Variants in MBD5 observed in about 807,000 individuals in gnomAD.
The protein encoded by MBD5 is methyl-CpG binding domain protein 5.
A neutral mutation model predicts 117.3 loss-of-function variants in MBD5; 13 were observed. The ratio of observed to expected loss-of-function variants is 0.11; its 90% confidence interval spans 0.07 to 0.18. The LOEUF (loss-of-function observed/expected upper bound fraction) is 0.18. MBD5 is among the 10% of genes least tolerant of loss of function. MBD5 has a pLI of 1.00. For synonymous variants in MBD5, 727 were observed against 766.4 expected (o/e 0.95, Z 0.85); for missense variants, 1,879 against 2,093.8 (o/e 0.90, Z 2.00).
chr2:148,486,087 A>G, intron 10 of MBD5, 137 bp downstream of exon 10: 1 of 789,332 alleles, frequency 1.3e-6, no homozygotes, highest in East Asian at 2.6e-5. Context: ...AGTCATGAGT[A>G]TTGTTAAACA....
chr2:148,495,486 C>G (rs180873271), intron 11 of MBD5, among the ~76,000 whole-genome samples: 1 of 152,212 alleles, frequency 6.6e-6, no homozygotes, highest in East Asian at 1.9e-4. Flanking sequence ...CTTCATATAT[C>G]ATTGCTCTTA....
At chr2:148,430,157 T>A (rs1372664658) in intron 4 of MBD5, among the ~76,000 whole-genome samples, 1 of 152,190 alleles carries the variant, frequency 6.6e-6, no homozygotes, top group Non-Finnish European at 1.5e-5. Context: ...GCCAACTATT[T>A]ATTTACAATT....
chr2:148,288,403 A>AAAAAAAAAGAAAAAAAAAAAG (rs1701417373), intron 3 of MBD5, among the ~76,000 whole-genome samples: 1 of 139,502 alleles, frequency 7.2e-6, no homozygotes, highest in African/African-American at 2.6e-5. Flanking sequence ...CCGTCTCAAA[A>AAAAAAAAAGAAAAAAAAAAAG]AAAAAAAAAA....
intron 13 of MBD5, 67 bp downstream of exon 13, chr2:148,510,202 A>G (rs1257374387): frequency 2.3e-5 from 28 of 1,237,632 alleles, no homozygotes; most frequent in Non-Finnish European, 2.1e-5. Flanking sequence ...ACTTTTTGGT[A>G]AAGTCTCTTG....
At chr2:148,493,017 G>T (rs1681577359) in intron 11 of MBD5, among the ~76,000 whole-genome samples, 1 of 152,132 alleles carries the variant, frequency 6.6e-6, no homozygotes, top group African/African-American at 2.4e-5. Flanking sequence ...CTGGACTTCT[G>T]CTTCTAGAAA....
At chr2:148,345,253 C>A (rs545984986) in intron 4 of MBD5, among the ~76,000 whole-genome samples, 1 of 149,858 alleles carries the variant, frequency 6.7e-6, no homozygotes, top group Non-Finnish European at 1.5e-5. Flanking sequence ...CATACACATG[C>A]GCATATATAT....
At chr2:148,222,843 A>G (rs1286658796) in intron 2 of MBD5, among the ~76,000 whole-genome samples, 7 of 151,968 alleles carry the variant, frequency 4.6e-5, no homozygotes, top group Non-Finnish European at 7.4e-5. Context: ...CATCCTTTTC[A>G]TCTTCCAGAT....
chr2:148,155,652 C>T (rs1697855316), intron 1 of MBD5, among the ~76,000 whole-genome samples: 1 of 152,188 alleles, frequency 6.6e-6, no homozygotes, highest in Non-Finnish European at 1.5e-5. Flanking sequence ...CTGCCAGGCT[C>T]ACATGCCGTA....
intron 4 of MBD5, among the ~76,000 whole-genome samples, chr2:148,418,807 T>C (rs1452879238): frequency 6.6e-6 from 1 of 151,930 alleles, no homozygotes; most frequent in Non-Finnish European, 1.5e-5. Context: ...CCCCAAACAA[T>C]CTACAGATTC....
intron 1 of MBD5, among the ~76,000 whole-genome samples, chr2:148,154,593 G>GCCC (rs1697810074): frequency 6.6e-6 from 1 of 152,192 alleles, no homozygotes; most frequent in Non-Finnish European, 1.5e-5. Context: ...GACTCCCTGG[G>GCCC]CTTAGGACCC....
chr2:148,344,261 T>A (rs777402383), intron 4 of MBD5, among the ~76,000 whole-genome samples: 1 of 152,002 alleles, frequency 6.6e-6, no homozygotes, highest in Non-Finnish European at 1.5e-5. Context: ...GCTTTCAGAT[T>A]TGTTCTTTTT....
intron 4 of MBD5, among the ~76,000 whole-genome samples, chr2:148,446,466 C>T (rs1167377885): frequency 6.6e-6 from 1 of 151,854 alleles, no homozygotes; most frequent in African/African-American, 2.4e-5. Flanking sequence ...GTGAGAGGAC[C>T]CTGTGGAGTA....
At chr2:148,050,719 A>T (rs1432315909) in intron 1 of MBD5, among the ~76,000 whole-genome samples, 1 of 152,202 alleles carries the variant, frequency 6.6e-6, no homozygotes, top group Non-Finnish European at 1.5e-5. Flanking sequence ...AATCAAAGAC[A>T]TGTGGGTGTA....
chr2:148,283,202 A>G (rs1239459940), intron 3 of MBD5, among the ~76,000 whole-genome samples: 1 of 152,162 alleles, frequency 6.6e-6, no homozygotes, highest in Non-Finnish European at 1.5e-5. Context: ...TTATGTAGCT[A>G]TGATTGCATG....
At chr2:148,046,416 G>A (rs895993372) in intron 1 of MBD5, among the ~76,000 whole-genome samples, 2 of 152,176 alleles carry the variant, frequency 1.3e-5, no homozygotes, top group African/African-American at 4.8e-5. Flanking sequence ...TGTAGACTGA[G>A]TGGTTAGCAG....
chr2:148,409,917 T>A (rs1411756905), intron 4 of MBD5, among the ~76,000 whole-genome samples: 1 of 152,222 alleles, frequency 6.6e-6, no homozygotes, highest in Non-Finnish European at 1.5e-5. Context: ...CTCTGTAGTA[T>A]GAATGTTTTA....
intron 5 of MBD5, among the ~76,000 whole-genome samples, chr2:148,462,158 G>A (rs1312017670): frequency 2.0e-5 from 3 of 152,104 alleles, no homozygotes; most frequent in South Asian, 2.1e-4. Flanking sequence ...TTTCTGGTTC[G>A]AACTTCAATA....
Position 148,513,192 on chromosome 2 carries a change from C to T in MBD5, c.*251C>T. On this transcript the variant is annotated 3_prime_UTR_variant, in exon 14 of 14. Coordinates refer to ENST00000642680, the MANE Select transcript of MBD5 (RefSeq NM_001378120.1). ...ATGGTCAAGAGATTACTGAGAAACT[C>T]TTTTTCTATAATACTAAATTGTGAT... 1 of 481,194 alleles carries T rather than the reference C, an allele frequency of 2.1e-6. No homozygotes were observed. The highest frequency in any genetic ancestry group is 3.7e-6 in the Non-Finnish European group (1 of 267,182). 29.8% of individuals were successfully genotyped at this position (481,194 alleles called of 1,614,324 possible).
At chr2:148,300,414 A>T (rs921665340) in intron 3 of MBD5, among the ~76,000 whole-genome samples, 3 of 151,958 alleles carry the variant, frequency 2.0e-5, no homozygotes, top group African/African-American at 7.3e-5. Flanking sequence ...ATCCAATGCT[A>T]TTCTCTCTTC....
Sources: gnomAD v4.1 joint callset for allele counts (sites outside exome capture counted in the v4.1 genomes callset) on GRCh38, gnomAD v4.1.1 for gene constraint, MANE v1.5 for transcripts, NCBI Gene and HGNC (gene_info 2026-07-23, HGNC 2026-07-21) for gene names.